SLC4A10: variants seen among roughly 807,000 people sequenced by gnomAD.
SLC4A10 encodes sodium-driven chloride bicarbonate exchanger.
A neutral mutation model predicts 137.7 loss-of-function variants in SLC4A10; 42 were observed. The observed-to-expected ratio is 0.30, with a 90% CI of 0.24 to 0.39. The LOEUF is 0.39. Among genes scored for constraint, SLC4A10 ranks in the 10% least tolerant of loss-of-function variants. SLC4A10 has a pLI of 1.00. For synonymous variants in SLC4A10, 474 were observed against 464.1 expected, an observed-to-expected ratio of 1.02 and a Z score of -0.27; for missense variants, 925 against 1,355.0, an observed-to-expected ratio of 0.68 and a Z score of 4.98.
intron 5 of SLC4A10, 87 bp downstream of exon 5, chr2:161,855,217 C>G: frequency 8.0e-7 from 1 of 1,249,504 alleles, no homozygotes; most frequent in Non-Finnish European, 1.1e-6. Context: ...TACGTATGAA[C>G]TTTGGAAAAC....
intron 4 of SLC4A10, among the ~76,000 whole-genome samples, chr2:161,843,588 G>C (rs897572602): frequency 6.6e-6 from 1 of 152,078 alleles, no homozygotes; most frequent in Non-Finnish European, 1.5e-5. Flanking sequence ...CATATTTATT[G>C]AGGATTTCGA....
chr2:161,965,101 G>A lies in SLC4A10; in HGVS notation c.3087G>A (p.Lys1029=). 12 of 1,612,650 alleles carry A rather than the reference G, an allele frequency of 7.4e-6. No homozygotes were observed. Among genetic ancestry groups the A allele is most frequent in the Non-Finnish European group, 1.0e-5 (12 of 1,179,030 alleles). The stretch of plus-strand genomic sequence containing the variant: ...AGTTGATGGACTTGTTGTTCACGAA[G>A]CGGGAACTCAGCTGGTTGGATGATT... ...VRKLMDLLFT[K]RELSWLDDLM... The change falls in exon 23 of 27, where the codon AAG becomes AAA. Residue 1029 remains lysine, a synonymous_variant. Coordinates refer to ENST00000446997, the MANE Select transcript of SLC4A10 (RefSeq NM_001178015.2).
chr2:161,941,919 A>G (rs1692778291), intron 15 of SLC4A10, among the ~76,000 whole-genome samples: 1 of 152,180 alleles, frequency 6.6e-6, no homozygotes, highest in South Asian at 2.1e-4. Flanking sequence ...GAGAGCAAGA[A>G]CCATATCTGT....
chr2:161,775,754 A>G (rs1449522237), intron 2 of SLC4A10, among the ~76,000 whole-genome samples: 1 of 151,936 alleles, frequency 6.6e-6, no homozygotes, highest in Non-Finnish European at 1.5e-5. Flanking sequence ...AGGTTTTCTC[A>G]GAATGAATGA....
intron 15 of SLC4A10, among the ~76,000 whole-genome samples, chr2:161,925,338 G>A (rs1264813192): frequency 6.6e-6 from 1 of 152,154 alleles, no homozygotes; most frequent in Non-Finnish European, 1.5e-5. Flanking sequence ...TTTGCGTAGA[G>A]GTGTTTGTAG....
At chr2:161,914,753 C>T (rs1024025630) in intron 15 of SLC4A10, among the ~76,000 whole-genome samples, 5 of 151,996 alleles carry the variant, frequency 3.3e-5, no homozygotes, top group African/African-American at 1.2e-4. Context: ...GAATTGTGCC[C>T]CTCCCAAATT....
At chr2:161,781,557 T>C (rs746275721) in intron 2 of SLC4A10, among the ~76,000 whole-genome samples, 8 of 152,056 alleles carry the variant, frequency 5.3e-5, no homozygotes, top group Admixed American at 2.6e-4. Flanking sequence ...TGTTTAATTA[T>C]AGTACTGAAA....
intron 4 of SLC4A10, among the ~76,000 whole-genome samples, chr2:161,841,545 T>A (rs2125797422): frequency 6.6e-6 from 1 of 152,366 alleles, no homozygotes; most frequent in East Asian, 1.9e-4. Flanking sequence ...GCTGCATTTA[T>A]TCATTGACTT....
intron 15 of SLC4A10, among the ~76,000 whole-genome samples, chr2:161,939,543 A>G (rs1361770072): frequency 1.3e-5 from 2 of 152,154 alleles, no homozygotes; most frequent in African/African-American, 2.4e-5. Context: ...TCTATCAGCC[A>G]TAGGTAACTG....
chr2:161,744,808 TA>T (rs1392344333), intron 1 of SLC4A10, among the ~76,000 whole-genome samples: 6 of 151,508 alleles, frequency 4.0e-5, no homozygotes, highest in Admixed American at 3.9e-4. Flanking sequence ...ATCTATGTCT[TA>T]AAAAGATATT....
At chr2:161,953,139 A>G (rs1326619801) in intron 19 of SLC4A10, among the ~76,000 whole-genome samples, 1 of 152,218 alleles carries the variant, frequency 6.6e-6, no homozygotes, top group Non-Finnish European at 1.5e-5. Context: ...TGTATCAAAC[A>G]CTTGGTAGAC....
intron 3 of SLC4A10, among the ~76,000 whole-genome samples, chr2:161,814,648 A>G (rs931089768): frequency 1.3e-5 from 2 of 152,172 alleles, no homozygotes; most frequent in African/African-American, 4.8e-5. Flanking sequence ...TCATTATCCT[A>G]AGTGAATTAA....
intron 5 of SLC4A10, among the ~76,000 whole-genome samples, chr2:161,859,222 G>A (rs1288964822): frequency 1.3e-5 from 2 of 151,922 alleles, no homozygotes; most frequent in Non-Finnish European, 2.9e-5. Flanking sequence ...TTATCTGATA[G>A]GATGAAAAAC....
chr2:161,779,451 C>T (rs892084771), intron 2 of SLC4A10, among the ~76,000 whole-genome samples: 1 of 151,994 alleles, frequency 6.6e-6, no homozygotes, highest in African/African-American at 2.4e-5. Context: ...ATAATTCTAT[C>T]AATGGCAGTA....
In SLC4A10 at chr2:161,745,713, C is replaced by G. The variant is rs145019058; in HGVS notation, c.49-25260C>G. Among the ~76,000 whole-genome samples, 41 of 152,194 alleles carry G rather than the reference C, an allele frequency of 2.7e-4. No homozygotes were observed. The East Asian group carries it at 5.2e-3, about 19-fold the overall frequency. ...GTTTGTTCCCTTTCTTTTTGAGAAG[C>G]CTTTCCAATTATTCAAAGTGAATTA... On this transcript the variant is annotated intron_variant, in intron 1 of 26. Coordinates refer to ENST00000446997, the MANE Select transcript of SLC4A10 (RefSeq NM_001178015.2).
chr2:161,635,675 A>ATTTGGGTGCAGTGAT (rs2034290176), intron 1 of SLC4A10, among the ~76,000 whole-genome samples: 3 of 152,066 alleles, frequency 2.0e-5, no homozygotes, highest in African/African-American at 7.2e-5. Flanking sequence ...TCTGCAGGTA[A>ATTTGGGTGCAGTGAT]TTTGGGTGCA....
chr2:161,878,549 AT>A (rs2061570375), intron 8 of SLC4A10, among the ~76,000 whole-genome samples: 1 of 151,960 alleles, frequency 6.6e-6, no homozygotes, highest in East Asian at 1.9e-4. Flanking sequence ...TTTTTTTCTT[AT>A]TTTTTTCTAC....
At chr2:161,977,862 G>C in intron 26 of SLC4A10, 102 bp downstream of exon 26, 1 of 1,136,050 alleles carries the variant, frequency 8.8e-7, no homozygotes, top group Non-Finnish European at 1.2e-6. Context: ...GTGAGTTTTG[G>C]GGAGGCAAAA....
chr2:161,630,994 A>G (rs1163209628), intron 1 of SLC4A10, among the ~76,000 whole-genome samples: 1 of 151,752 alleles, frequency 6.6e-6, no homozygotes, highest in Non-Finnish European at 1.5e-5. Context: ...CCCTCCAATA[A>G]AATATGAAAG....
Sources: gnomAD v4.1 joint callset for allele counts (sites outside exome capture counted in the v4.1 genomes callset) on GRCh38, gnomAD v4.1.1 for gene constraint, MANE v1.5 for transcripts, NCBI Gene and HGNC (gene_info 2026-07-23, HGNC 2026-07-21) for gene names.